COL26A1: variants seen among roughly 807,000 people sequenced by gnomAD.
The protein encoded by COL26A1 is collagen alpha-1(XXVI) chain.
Under a neutral mutation model 59.3 loss-of-function variants are expected in COL26A1, and 41 were observed. The observed-to-expected ratio is 0.69, with a 90% CI of 0.54 to 0.90. The LOEUF (loss-of-function observed/expected upper bound fraction) is 0.90. Among genes scored for constraint, COL26A1 ranks in the 40% least tolerant of loss-of-function variants. The pLI, the probability that COL26A1 is intolerant of heterozygous loss-of-function variation, is 0.00. For missense variants in COL26A1, 612 were observed against 602.3 expected (o/e 1.02, Z -0.17); for synonymous variants, 266 against 256.0 (o/e 1.04, Z -0.37).
At chr7:101,451,452 A>G (rs993529935) in intron 3 of COL26A1, among the ~76,000 whole-genome samples, 18 of 148,286 alleles carry the variant, frequency 1.2e-4, no homozygotes, top group Admixed American at 1.2e-3. Context: ...AAAATCCAAA[A>G]TGTTCTAAAA....
Position 101,440,251 on chromosome 7 carries a change from A to G in COL26A1, c.282-7433A>G, listed in dbSNP as rs566946520. Among the ~76,000 whole-genome samples the G allele has an allele frequency of 4.6e-5, 7 of 152,060 alleles. No homozygotes were observed. The South Asian group carries it at 1.2e-3, about 27-fold the overall frequency. On this transcript the variant is annotated intron_variant, in intron 2 of 12. Transcript: ENST00000313669. ...TGTGGTGGTGTGCGCCTGTAATCCC[A>G]GCTACTCAGGAGGCTGAGGCAGGAG... is the stretch of plus-strand genomic sequence containing the variant.
intron 1 of COL26A1, among the ~76,000 whole-genome samples, chr7:101,403,377 GGT>G (rs1792058953): frequency 6.6e-6 from 1 of 151,978 alleles, no homozygotes; most frequent in Non-Finnish European, 1.5e-5. Flanking sequence ...AAATTAGTGG[GGT>G]GTGGTGGTAT....
chr7:101,486,248 A>C (rs1185657837), intron 3 of COL26A1, among the ~76,000 whole-genome samples: 5 of 152,048 alleles, frequency 3.3e-5, no homozygotes, highest in Non-Finnish European at 7.4e-5. Flanking sequence ...CTCTGGGCAT[A>C]GTTGACCCTT....
At chr7:101,373,194 G>C (rs1191304108) in intron 1 of COL26A1, among the ~76,000 whole-genome samples, 1 of 152,118 alleles carries the variant, frequency 6.6e-6, no homozygotes, top group Non-Finnish European at 1.5e-5. Context: ...TTGATGGATG[G>C]AGCAGGGGAG....
At chr7:101,400,351 CTATTTTTTTT>C (rs1179889355) in intron 1 of COL26A1, among the ~76,000 whole-genome samples, 1 of 123,350 alleles carries the variant, frequency 8.1e-6, no homozygotes, top group African/African-American at 3.1e-5. Flanking sequence ...CTTTTTTTTC[CTATTTTTTTT>C]TTTTTTTTTT....
At chr7:101,447,002 G>T (rs1003914842) in intron 2 of COL26A1, among the ~76,000 whole-genome samples, 6 of 152,068 alleles carry the variant, frequency 3.9e-5, no homozygotes, top group South Asian at 2.1e-4. Flanking sequence ...TCGGAAGTTG[G>T]GGAGTGGTGA....
intron 1 of COL26A1, among the ~76,000 whole-genome samples, chr7:101,370,778 C>G (rs548223944): frequency 6.6e-6 from 1 of 152,296 alleles, no homozygotes; most frequent in African/African-American, 2.4e-5. Flanking sequence ...CCTCCTCACT[C>G]AAAATGCCTC....
At chr7:101,439,064 C>G (rs1792984745) in intron 2 of COL26A1, among the ~76,000 whole-genome samples, 1 of 152,208 alleles carries the variant, frequency 6.6e-6, no homozygotes, top group Non-Finnish European at 1.5e-5. Flanking sequence ...CGCCCACCTT[C>G]AGCTCATTCC....
chr7:101,427,232 A>T (rs1014444863), intron 2 of COL26A1, among the ~76,000 whole-genome samples: 1 of 152,146 alleles, frequency 6.6e-6, no homozygotes, highest in Non-Finnish European at 1.5e-5. Context: ...TAATTAAAAA[A>T]TTTTGTTTTT....
chr7:101,401,468 A>G (rs889737354), intron 1 of COL26A1, among the ~76,000 whole-genome samples: 4 of 150,302 alleles, frequency 2.7e-5, no homozygotes, highest in African/African-American at 7.4e-5. Flanking sequence ...GGAAGAGGAG[A>G]AGGAGGAGGA....
chr7:101,539,294 ATGTGTGTGTG>A (rs769498284), intron 4 of COL26A1, among the ~76,000 whole-genome samples: 2 of 135,906 alleles, frequency 1.5e-5, no homozygotes, highest in South Asian at 2.4e-4. Context: ...GTGTGTGTGT[ATGTGTGTGTG>A]TGTGTGTGTG....
chr7:101,405,386 C>T (rs577363746), intron 1 of COL26A1, among the ~76,000 whole-genome samples: 4 of 151,748 alleles, frequency 2.6e-5, no homozygotes, highest in East Asian at 1.9e-4. Flanking sequence ...CAGGCCAGAT[C>T]GCAGTGGTAC....
rs190687125 is a variant in COL26A1 at position 101,502,247 on chromosome 7, C to T, written c.386-30835C>T. 4.2e-3 allele frequency among the ~76,000 whole-genome samples: 634 copies of T among 152,214 alleles called. 4 individuals carry two copies. Among genetic ancestry groups the T allele is most frequent in the Middle Eastern group, 6.8e-3 (2 of 294 alleles). On this transcript the variant is annotated intron_variant, in intron 3 of 12. Coordinates refer to ENST00000313669, the MANE Select transcript of COL26A1 (RefSeq NM_001278563.3). ...ATCCCAGCTACTCAGGAGGCTGAGGCGGGGGAATCACTTGAATCTGGGAGG... is the reference window on the plus strand; with the variant it reads ...ATCCCAGCTACTCAGGAGGCTGAGGTGGGGGAATCACTTGAATCTGGGAGG...
chr7:101,371,043 C>A (rs1283703722), intron 1 of COL26A1, among the ~76,000 whole-genome samples: 4 of 152,196 alleles, frequency 2.6e-5, no homozygotes, highest in African/African-American at 9.7e-5. Flanking sequence ...GAGCAGCCGT[C>A]CTTGGGCAAG....
At chr7:101,477,372 T>G (rs182847133) in intron 3 of COL26A1, among the ~76,000 whole-genome samples, 2 of 152,048 alleles carry the variant, frequency 1.3e-5, no homozygotes, top group African/African-American at 4.8e-5. Flanking sequence ...AGTGTGAGGT[T>G]TGTGTGTGTG....
intron 1 of COL26A1, 110 bp downstream of exon 1, chr7:101,363,300 T>C (rs1790947151): frequency 1.2e-6 from 1 of 809,562 alleles, no homozygotes; most frequent in Non-Finnish European, 1.6e-6. Flanking sequence ...AGCGGGGCGA[T>C]CCGGGACTTG....
intron 3 of COL26A1, among the ~76,000 whole-genome samples, chr7:101,455,828 G>A (rs941343784): frequency 6.6e-6 from 1 of 152,066 alleles, no homozygotes; most frequent in African/African-American, 2.4e-5. Flanking sequence ...GACTGCAGGT[G>A]CACGCCACCA....
At chr7:101,467,912 C>G (rs1244522305) in intron 3 of COL26A1, among the ~76,000 whole-genome samples, 1 of 151,992 alleles carries the variant, frequency 6.6e-6, no homozygotes, top group Non-Finnish European at 1.5e-5. Context: ...CCATGTTGAA[C>G]CTACCTGGCC....
At chr7:101,489,715 T>TTCTTTCTTTCGTTCTTTCTTTCTCTCTC (rs1794367991) in intron 3 of COL26A1, among the ~76,000 whole-genome samples, 1 of 11,026 alleles carries the variant, frequency 9.1e-5, no homozygotes, top group Admixed American at 9.3e-4. Flanking sequence ...CTTTCTTTCA[T>TTCTTTCTTTCGTTCTTTCTTTCTCTCTC]TCTTTCTTTC....
Sources: allele counts gnomAD v4.1 joint callset (sites outside exome capture counted in the v4.1 genomes callset), GRCh38; gene constraint gnomAD v4.1.1; transcripts MANE v1.5; gene names NCBI Gene and HGNC (gene_info 2026-07-23, HGNC 2026-07-21).